USB1: variants seen among roughly 807,000 people sequenced by gnomAD.
USB1 encodes the protein U6 snRNA phosphodiesterase 1.
In USB1, 21 loss-of-function variants were observed where a neutral mutation model predicts 29.9. The observed-to-expected ratio is 0.70, with a 90% CI of 0.50 to 1.01. The LOEUF (loss-of-function observed/expected upper bound fraction) is 1.01. Ranked by LOEUF, USB1 falls within the 50% of genes least tolerant of loss-of-function variation. USB1 has a pLI of 0.00. For synonymous variants in USB1, 143 were observed against 134.9 expected, an observed-to-expected ratio of 1.06 and a Z score of -0.42; for missense variants, 330 against 347.1, an observed-to-expected ratio of 0.95 and a Z score of 0.39.
intron 6 of USB1, among the ~76,000 whole-genome samples, chr16:58,019,751 T>TA (rs977785032): frequency 1.3e-5 from 2 of 152,212 alleles, no homozygotes; most frequent in Non-Finnish European, 2.9e-5. Flanking sequence ...TTTGGATGTT[T>TA]AAAAAACATT....
At chr16:58,005,297 C>T (rs2142295017) in intron 2 of USB1, among the ~76,000 whole-genome samples, 1 of 152,178 alleles carries the variant, frequency 6.6e-6, no homozygotes, top group South Asian at 2.1e-4. Flanking sequence ...TCTAAACTCC[C>T]CTGGGGAAAG....
At position 58,001,544 on chromosome 16, in the gene USB1, G is replaced by C. The variant is rs778756392; in HGVS notation, c.61G>C (p.Gly21Arg). 1.1e-5 allele frequency: 18 copies of C among 1,609,524 alleles called. No homozygotes were observed. Among genetic ancestry groups the C allele is most frequent in the Non-Finnish European group, 1.4e-5 (17 of 1,178,436 alleles). Residue 21 changes from glycine to arginine, a missense_variant, in exon 1 of 7, where the codon GGG (glycine) becomes CGG (arginine). Gly to Arg is a moderately radical substitution (Grantham distance 125, BLOSUM62 -2). Transcript: ENST00000219281. ...CGGCTCCGAGGATGAGTCCGAGGACGGGATGCGGACCAGGCCGGGGGATGG... is the reference window on the plus strand; with the variant it reads ...CGGCTCCGAGGATGAGTCCGAGGACCGGATGCGGACCAGGCCGGGGGATGG... ...SSGSEDESEDGMRTRPGDGSH... is the reference protein window; with the variant it reads ...SSGSEDESEDRMRTRPGDGSH...
chr16:58,018,667 C>T (rs1280286122), intron 5 of USB1, among the ~76,000 whole-genome samples: 2 of 152,110 alleles, frequency 1.3e-5, no homozygotes, highest in African/African-American at 4.8e-5. Flanking sequence ...GAGGGTCCTG[C>T]CCTCATGACC....
chr16:58,015,519 C>T (rs188758484), intron 4 of USB1: 3 of 152,286 alleles, frequency 2.0e-5, no homozygotes, highest in African/African-American at 7.2e-5. Flanking sequence ...TTGTTAAGCA[C>T]CCACTTGTGC....
chr16:58,011,752 A>C (rs1220749984), intron 3 of USB1: 1 of 987,218 alleles, frequency 1.0e-6, no homozygotes, highest in Non-Finnish European at 1.2e-6. Flanking sequence ...TCCTGTGTCC[A>C]TCTTCCTTCC....
intron 3 of USB1, chr16:58,011,638 TG>T (rs1357857589): frequency 1.8e-5 from 18 of 988,188 alleles, no homozygotes; most frequent in Non-Finnish European, 2.2e-5. Context: ...AGAGATCAGT[TG>T]GCCCTGTGGT....
chr16:58,014,459 T>C, intron 4 of USB1, 133 bp downstream of exon 4: 1 of 766,018 alleles, frequency 1.3e-6, no homozygotes. Context: ...AAGGCAGCTA[T>C]CCCCAAATCT....
At chr16:58,018,254 T>A (rs1202407979) in intron 5 of USB1, among the ~76,000 whole-genome samples, 2 of 134,876 alleles carry the variant, frequency 1.5e-5, no homozygotes, top group African/African-American at 5.8e-5. Context: ...GGAGACAGAG[T>A]CTTACTCTGT....
chr16:58,012,923 G>C (rs867846369), intron 3 of USB1: 1 of 986,558 alleles, frequency 1.0e-6, no homozygotes, highest in East Asian at 1.1e-4. Context: ...AAGAAATACT[G>C]ATCCCTGTGG....
At chr16:58,011,740 G>A (rs1470874028) in intron 3 of USB1, 6 of 987,228 alleles carry the variant, frequency 6.1e-6, no homozygotes, top group Admixed American at 6.0e-5. Context: ...ATATGCAGTC[G>A]TTCCTGTGTC....
At chr16:58,017,547 C>T in intron 5 of USB1, 108 bp downstream of exon 5, 2 of 991,346 alleles carry the variant, frequency 2.0e-6, no homozygotes, top group East Asian at 2.6e-5. Context: ...CAGAACCTCC[C>T]GTGTCGGTGC....
intron 4 of USB1, among the ~76,000 whole-genome samples, chr16:58,014,797 C>T (rs1480923841): frequency 6.6e-6 from 1 of 151,824 alleles, no homozygotes; most frequent in Non-Finnish European, 1.5e-5. Context: ...AAATAAAAGG[C>T]CAGGTGCGGT....
chr16:58,019,670 T>C (rs914446357), intron 6 of USB1, among the ~76,000 whole-genome samples: 2 of 152,204 alleles, frequency 1.3e-5, no homozygotes, highest in African/African-American at 4.8e-5. Context: ...CCAGCACTTC[T>C]GTTTCATAAG....
intron 5 of USB1, among the ~76,000 whole-genome samples, chr16:58,017,774 G>A (rs948694026): frequency 3.9e-5 from 6 of 152,214 alleles, no homozygotes; most frequent in African/African-American, 1.4e-4. Flanking sequence ...TTGACCCTCA[G>A]AGAGGAGTTG....
chr16:58,007,578 C>T (rs372926376), intron 2 of USB1, among the ~76,000 whole-genome samples: 34 of 152,202 alleles, frequency 2.2e-4, no homozygotes, highest in African/African-American at 7.0e-4. Context: ...GACACAGTTT[C>T]GCCATGTTGG....
chr16:58,014,774 C>A (rs1441317289), intron 4 of USB1, among the ~76,000 whole-genome samples: 1 of 151,018 alleles, frequency 6.6e-6, no homozygotes, highest in Non-Finnish European at 1.5e-5. Context: ...CAGAGTGAGA[C>A]CCTGTCTCAA....
intron 3 of USB1, chr16:58,012,831 G>T: frequency 1.0e-6 from 1 of 993,614 alleles, no homozygotes; most frequent in African/African-American, 1.7e-5. Context: ...CCACGGCCTG[G>T]GCTCCCCTGC....
chr16:58,003,283 C>G (rs532149381), intron 2 of USB1, among the ~76,000 whole-genome samples: 4 of 152,240 alleles, frequency 2.6e-5, no homozygotes, highest in African/African-American at 9.6e-5. Flanking sequence ...AAAAATTAGC[C>G]AGGTGTGGTG....
intron 4 of USB1, chr16:58,017,044 T>C (rs1963632110): frequency 4.6e-6 from 2 of 439,378 alleles, no homozygotes; most frequent in Admixed American, 7.0e-5. Flanking sequence ...GTGCAGAAGC[T>C]TCTGGGTTTG....
Sources: allele counts gnomAD v4.1 joint callset (sites outside exome capture counted in the v4.1 genomes callset), GRCh38; gene constraint gnomAD v4.1.1; transcripts MANE v1.5; gene names NCBI Gene and HGNC (gene_info 2026-07-23, HGNC 2026-07-21).